The following PDLIM3 variants were observed in gnomAD, a reference collection of about 807,000 sequenced individuals.
PDLIM3 encodes the protein PDZ and LIM domain 3.
Under a neutral mutation model 37.3 loss-of-function variants are expected in PDLIM3, and 36 were observed. The ratio of observed to expected loss-of-function variants is 0.97; its 90% confidence interval spans 0.74 to 1.28. PDLIM3 has a LOEUF of 1.28. Ranked by LOEUF, PDLIM3 falls within the 50% of genes most tolerant of loss-of-function variation. The pLI, the probability that PDLIM3 is intolerant of heterozygous loss-of-function variation, is 0.00. For synonymous variants in PDLIM3, 174 were observed against 182.4 expected (o/e 0.95, Z 0.37); for missense variants, 454 against 485.0 (o/e 0.94, Z 0.60).
chr4:185,505,488 G>C (rs2095695156), intron 6 of PDLIM3, among the ~76,000 whole-genome samples: 1 of 152,138 alleles, frequency 6.6e-6, no homozygotes, highest in Non-Finnish European at 1.5e-5. Flanking sequence ...GGGCGCGGTG[G>C]TGGGTGCCTG....
intron 2 of PDLIM3, 31 bp downstream of exon 2, chr4:185,524,989 T>C: frequency 6.2e-7 from 1 of 1,610,768 alleles, no homozygotes; most frequent in East Asian, 2.2e-5. Flanking sequence ...GCAAAACAGA[T>C]CAGATTTAAG....
intron 3 of PDLIM3, chr4:185,523,052 T>G (rs2095725186): frequency 3.3e-6 from 1 of 302,120 alleles, no homozygotes; most frequent in African/African-American, 2.2e-5. Context: ...CTCCTTAGAT[T>G]ACCTCACGGT....
intron 5 of PDLIM3, among the ~76,000 whole-genome samples, chr4:185,508,005 G>T (rs1157150852): frequency 6.6e-6 from 1 of 151,818 alleles, no homozygotes; most frequent in Non-Finnish European, 1.5e-5. Context: ...ATATACATTT[G>T]GTCCTTACCT....
At chr4:185,533,293 A>T (rs550031987) in intron 1 of PDLIM3, among the ~76,000 whole-genome samples, 1 of 152,230 alleles carries the variant, frequency 6.6e-6, no homozygotes, top group East Asian at 1.9e-4. Context: ...AACAATACTG[A>T]TAGTTATTTT....
rs567390126 is a variant in PDLIM3 at position 185,514,916 on chromosome 4, A to G, written c.331-579T>C. 6 of 1,534,946 alleles carry G rather than the reference A, an allele frequency of 3.9e-6. No homozygotes were observed. The African/African-American group carries it at 6.9e-5, about 18-fold the overall frequency. On this transcript the variant is annotated intron_variant, in intron 3 of 7. Transcript: ENST00000284767. The surrounding 1 kb of genome is among the most constrained non-coding windows in gnomAD (Gnocchi z 4.0). The stretch of plus-strand genomic sequence containing the variant: ...CTGTACAATGGCAGACAAAATACAC[A>G]GCCACACAGCGCACAAGAAAGCCAT...
chr4:185,517,393 G>T (rs1406717852), intron 3 of PDLIM3: 1 of 118,448 alleles, frequency 8.4e-6, no homozygotes, highest in Non-Finnish European at 1.6e-5. Context: ...AGTAAGGCCT[G>T]CCTTAAAGTC....
chr4:185,525,782 T>G (rs114827801), intron 1 of PDLIM3, among the ~76,000 whole-genome samples: 1,892 of 152,180 alleles, frequency 0.012, 34 homozygotes, highest in African/African-American at 0.041. Flanking sequence ...AGCTCTCAGC[T>G]CTCTTGCCTC....
rs771341523 is a variant in PDLIM3 at position 185,506,670 on chromosome 4, C to T, written c.663-18G>A. 3.4e-5 allele frequency: 55 copies of T among 1,600,994 alleles called. No homozygotes were observed. The highest frequency in any genetic ancestry group is 3.1e-4 in the East Asian group (14 of 44,856). On this transcript the variant is annotated intron_variant, in intron 5 of 7. Coordinates refer to ENST00000284767, the MANE Select transcript of PDLIM3 (RefSeq NM_014476.6). ...TGGGCTCGCTGAAACACAGGCACGG[C>T]GGGGAGCATCGTCAGGTGCTGGGAG...
In PDLIM3 at chr4:185,506,600, C is replaced by T. The variant is rs142143310; in HGVS notation, c.715G>A (p.Asp239Asn). Residue 239 changes from aspartate to asparagine, a missense_variant, in exon 6 of 8, where the codon GAC becomes AAC. By Grantham distance (23) the Asp-to-Asn change is conservative. Transcript: ENST00000284767. ...GGCTGTGTGGGCTCATTCCGATTGT[C>T]GTGGAGCATCCGGTACACGTCCGAC... ...PESDVYRMLH[D>N]NRNEPTQPRQ... 547 of 1,611,612 alleles carry T rather than the reference C, an allele frequency of 3.4e-4. 1 individual carries two copies. The highest frequency in any genetic ancestry group is 1.5e-4 in the Admixed American group (9 of 60,012).
intron 7 of PDLIM3, among the ~76,000 whole-genome samples, chr4:185,502,846 A>C (rs1017761370): frequency 2.6e-5 from 4 of 152,268 alleles, no homozygotes; most frequent in Middle Eastern, 3.4e-3. Flanking sequence ...TCTGCTTTTG[A>C]CGGGGGTGGT....
intron 1 of PDLIM3, among the ~76,000 whole-genome samples, chr4:185,526,909 T>C (rs2095735259): frequency 6.6e-6 from 1 of 152,242 alleles, no homozygotes; most frequent in Non-Finnish European, 1.5e-5. Context: ...GTAGCTTCTC[T>C]AGTCCTCCCC....
At position 185,514,195 on chromosome 4, in the gene PDLIM3, T is replaced by A; in HGVS notation, c.398+75A>T. ...AAAGCCACTCCAAACATCTACCAGT[T>A]ACTTTTCTTGATGATTAGTAAGAAC... On this transcript the variant is annotated intron_variant, in intron 4 of 7. Coordinates refer to ENST00000284767, the MANE Select transcript of PDLIM3 (RefSeq NM_014476.6). This position sits in a 1 kb window ranked among gnomAD's most constrained non-coding sequence, Gnocchi z 4.0. The A allele has an allele frequency of 1.9e-6, 3 of 1,613,840 alleles. No individual in the cohort carries two copies. The South Asian group carries it at 3.3e-5, about 18-fold the overall frequency.
intron 1 of PDLIM3, 35 bp from the exon 2 acceptor site, chr4:185,525,206 A>G: frequency 6.2e-7 from 1 of 1,606,686 alleles, no homozygotes; most frequent in African/African-American, 1.3e-5. Flanking sequence ...AAAAACCAAC[A>G]TCCCGCAGTA....
chr4:185,520,132 T>G (rs1443984371), intron 3 of PDLIM3, among the ~76,000 whole-genome samples: 1 of 152,244 alleles, frequency 6.6e-6, no homozygotes, highest in Non-Finnish European at 1.5e-5. Context: ...TTGTTCTGGT[T>G]TACGCTAAAG....
chr4:185,501,492 GAT>G lies in PDLIM3; in HGVS notation c.*800_*801del, dbSNP rs1219929665. 6.6e-6 allele frequency: 1 copy of G among 152,222 alleles called. No individual in the cohort carries two copies. Among genetic ancestry groups the G allele is most frequent in the Non-Finnish European group, 1.5e-5 (1 of 68,050 alleles). 9.4% of individuals were successfully genotyped at this position (152,222 alleles called of 1,614,324 possible). On this transcript the variant is annotated 3_prime_UTR_variant, in exon 8 of 8. Coordinates refer to ENST00000284767, the MANE Select transcript of PDLIM3 (RefSeq NM_014476.6). ...TTTGACTGAATATTGATCTGAAAGA[GAT>G]ATTTAAATTGAAAGAGTCTCTGTTG...
At position 185,501,193 on chromosome 4, in the gene PDLIM3, G is replaced by C. The variant is rs187425356; in HGVS notation, c.*1101C>G. 2 of 152,428 alleles carry C rather than the reference G, an allele frequency of 1.3e-5. No individual in the cohort carries two copies. The highest frequency in any genetic ancestry group is 3.9e-4 in the East Asian group (2 of 5,182). The allele number at this position is 152,428 out of a possible 1,614,324, so 9.4% of individuals were successfully genotyped here. A position where few individuals can be genotyped will look rare whatever the true frequency, so the allele number is the denominator to read the frequency against. On this transcript the variant is annotated 3_prime_UTR_variant, in exon 8 of 8. Transcript: ENST00000284767. ...TGCATGTCTCAGACAGAGGATCCAT[G>C]ACTCCAGGAAAGCTGAGCTGAGAGT...
Position 185,535,349 on chromosome 4 carries a change from A to T in PDLIM3, c.86T>A (p.Ile29Asn). The part of the protein sequence containing the change: ...GGIDFNQPLV[I>N]TRITPGSKAA... ...AAGAATGCCGACACCTACCCTGGTG[A>T]TGACCAAAGGCTGGTTGAAGTCTAT... The change falls in exon 1 of 8, where the codon ATC becomes AAC. Residue 29 changes from isoleucine to asparagine, a missense_variant. Coordinates refer to ENST00000284767, the MANE Select transcript of PDLIM3 (RefSeq NM_014476.6). 7 of 1,608,010 alleles carry T rather than the reference A, an allele frequency of 4.4e-6. No individual in the cohort carries two copies. The highest frequency in any genetic ancestry group is 5.1e-6 in the Non-Finnish European group (6 of 1,177,260).
intron 7 of PDLIM3, among the ~76,000 whole-genome samples, chr4:185,503,073 CA>C (rs919180294): frequency 8.6e-5 from 13 of 151,944 alleles, no homozygotes; most frequent in East Asian, 5.8e-4. Flanking sequence ...TAAAAAAATA[CA>C]AAAAAATTAG....
At chr4:185,528,013 C>T (rs1002886959) in intron 1 of PDLIM3, among the ~76,000 whole-genome samples, 6 of 152,066 alleles carry the variant, frequency 3.9e-5, no homozygotes, top group Non-Finnish European at 5.9e-5. Context: ...ATGATTGCAC[C>T]ACTGCACGCC....
Sources: gnomAD v4.1 joint callset for allele counts (sites outside exome capture counted in the v4.1 genomes callset) on GRCh38, gnomAD v4.1.1 for gene constraint, Gnocchi (gnomAD v3.1) non-coding constraint, MANE v1.5 for transcripts, NCBI Gene and HGNC (gene_info 2026-07-23, HGNC 2026-07-21) for gene names.